ZFPM2: variants seen among roughly 807,000 people sequenced by gnomAD.
The protein encoded by ZFPM2 is zinc finger protein ZFPM2.
Under a neutral mutation model 98.6 loss-of-function variants are expected in ZFPM2, and 20 were observed. That is an observed-to-expected ratio of 0.20 (90% confidence interval 0.14 to 0.29). The LOEUF is 0.29. Among genes scored for constraint, ZFPM2 ranks in the 10% least tolerant of loss-of-function variants. The pLI is 1.00. For synonymous variants in ZFPM2, 518 were observed against 502.7 expected (o/e 1.03, Z -0.41); for missense variants, 1,310 against 1,388.6 (o/e 0.94, Z 0.90).
At chr8:105,490,622 A>G (rs778653540) in intron 3 of ZFPM2, among the ~76,000 whole-genome samples, 12 of 152,228 alleles carry the variant, frequency 7.9e-5, no homozygotes, top group Non-Finnish European at 1.6e-4. Context: ...CTGAAGATAG[A>G]AAATCCAACT....
At chr8:105,547,486 G>A (rs1277566547) in intron 3 of ZFPM2, among the ~76,000 whole-genome samples, 2 of 132,454 alleles carry the variant, frequency 1.5e-5, no homozygotes, top group Non-Finnish European at 3.1e-5. Flanking sequence ...AGGTTGCAGT[G>A]AGCCAAGATC....
chr8:105,692,525 G>T (rs1297164928), intron 5 of ZFPM2, among the ~76,000 whole-genome samples: 1 of 152,056 alleles, frequency 6.6e-6, no homozygotes, highest in African/African-American at 2.4e-5. Flanking sequence ...ATGTTCATAA[G>T]TATGTAATTC....
At chr8:105,637,748 G>A (rs1816875399) in intron 5 of ZFPM2, among the ~76,000 whole-genome samples, 1 of 152,034 alleles carries the variant, frequency 6.6e-6, no homozygotes. Context: ...AAACACACTG[G>A]ACTCAGGAGT....
At chr8:105,628,592 A>C (rs760287032) in intron 4 of ZFPM2, among the ~76,000 whole-genome samples, 4 of 152,154 alleles carry the variant, frequency 2.6e-5, no homozygotes, top group African/African-American at 4.8e-5. Flanking sequence ...GCTGGTAGAC[A>C]GGACTACGGC....
At chr8:105,376,349 A>G (rs1376853612) in intron 1 of ZFPM2, among the ~76,000 whole-genome samples, 1 of 152,040 alleles carries the variant, frequency 6.6e-6, no homozygotes, top group Non-Finnish European at 1.5e-5. Context: ...TCTCTCCTGG[A>G]CCTTCCTCTC....
chr8:105,463,402 ATG>A (rs1372087758), intron 3 of ZFPM2, among the ~76,000 whole-genome samples: 3 of 151,270 alleles, frequency 2.0e-5, no homozygotes, highest in Non-Finnish European at 3.0e-5. Flanking sequence ...GTGTGTGTGT[ATG>A]TGTGTGTGTA....
At chr8:105,458,572 A>G (rs1812643423) in intron 3 of ZFPM2, among the ~76,000 whole-genome samples, 1 of 152,214 alleles carries the variant, frequency 6.6e-6, no homozygotes, top group Non-Finnish European at 1.5e-5. Flanking sequence ...ACATGTTGCC[A>G]CTTACAGAAT....
intron 5 of ZFPM2, among the ~76,000 whole-genome samples, chr8:105,727,165 T>C (rs947936732): frequency 1.3e-5 from 2 of 151,530 alleles, no homozygotes; most frequent in Non-Finnish European, 3.0e-5. Flanking sequence ...ACTTTTTTTT[T>C]TTCTAAGAAC....
At chr8:105,338,093 T>A (rs996037442) in intron 1 of ZFPM2, among the ~76,000 whole-genome samples, 2 of 151,784 alleles carry the variant, frequency 1.3e-5, no homozygotes, top group Non-Finnish European at 2.9e-5. Context: ...AACTCATGAG[T>A]TATGCTTGTA....
At chr8:105,752,164 T>C (rs1450787882) in intron 5 of ZFPM2, among the ~76,000 whole-genome samples, 1 of 152,156 alleles carries the variant, frequency 6.6e-6, no homozygotes, top group Non-Finnish European at 1.5e-5. Flanking sequence ...ACTGCTCATG[T>C]GACAGTTTTT....
At chr8:105,773,390 AT>A (rs1813026874) in intron 5 of ZFPM2, among the ~76,000 whole-genome samples, 1 of 152,176 alleles carries the variant, frequency 6.6e-6, no homozygotes, top group Non-Finnish European at 1.5e-5. Context: ...ATATTTTAGA[AT>A]AGACCATTAT....
intron 3 of ZFPM2, among the ~76,000 whole-genome samples, chr8:105,470,696 T>A (rs1463715583): frequency 6.6e-6 from 1 of 152,004 alleles, no homozygotes; most frequent in Non-Finnish European, 1.5e-5. Context: ...GAGGATAATT[T>A]GAATGCAGGA....
intron 2 of ZFPM2, among the ~76,000 whole-genome samples, chr8:105,430,201 A>G (rs1811993448): frequency 1.3e-5 from 2 of 152,164 alleles, no homozygotes; most frequent in African/African-American, 4.8e-5. Flanking sequence ...ACTCCTCCCA[A>G]GGCCCTGCAC....
At chr8:105,520,610 T>C (rs1371518196) in intron 3 of ZFPM2, among the ~76,000 whole-genome samples, 1 of 152,040 alleles carries the variant, frequency 6.6e-6, no homozygotes, top group Non-Finnish European at 1.5e-5. Flanking sequence ...GTTGGGTAGA[T>C]AGGCACGTGC....
At position 105,450,348 on chromosome 8, in the gene ZFPM2, G is replaced by A. The variant is rs531071759; in HGVS notation, c.301+5967G>A. On this transcript the variant is annotated intron_variant, in intron 3 of 7. Transcript: ENST00000407775. Reference sequence around the variant, plus strand: ...GCTTGAAGATTACAGTTCTGATTTCGTTTCCTTTTTGATTGGGAAAATGTG... The same window carrying A: ...GCTTGAAGATTACAGTTCTGATTTCATTTCCTTTTTGATTGGGAAAATGTG... Among the ~76,000 whole-genome samples, 9 of 152,134 alleles carry A rather than the reference G, an allele frequency of 5.9e-5. No homozygotes were observed. The East Asian group carries it at 1.4e-3, about 23-fold the overall frequency.
chr8:105,564,404 C>G (rs1252085292), intron 4 of ZFPM2, among the ~76,000 whole-genome samples: 3 of 151,864 alleles, frequency 2.0e-5, no homozygotes, highest in Admixed American at 6.6e-5. Flanking sequence ...AATATATTTT[C>G]AAATGTTTTT....
chr8:105,572,729 C>T (rs1272309402), intron 4 of ZFPM2, among the ~76,000 whole-genome samples: 2 of 152,176 alleles, frequency 1.3e-5, no homozygotes, highest in Non-Finnish European at 2.9e-5. Context: ...CTTGGCCTCC[C>T]AAAATGCTGG....
intron 4 of ZFPM2, among the ~76,000 whole-genome samples, chr8:105,618,084 A>G (rs1816458292): frequency 6.6e-6 from 1 of 152,152 alleles, no homozygotes; most frequent in Admixed American, 6.6e-5. Context: ...AAGATTATTA[A>G]TGAGGCACCA....
chr8:105,780,824 A>T (rs1468776948), intron 5 of ZFPM2, among the ~76,000 whole-genome samples: 1 of 152,172 alleles, frequency 6.6e-6, no homozygotes, highest in Non-Finnish European at 1.5e-5. Flanking sequence ...AGGTTGCAGT[A>T]AGCCGAGATC....
Sources: gnomAD v4.1 joint callset for allele counts (sites outside exome capture counted in the v4.1 genomes callset) on GRCh38, gnomAD v4.1.1 for gene constraint, MANE v1.5 for transcripts, NCBI Gene and HGNC (gene_info 2026-07-23, HGNC 2026-07-21) for gene names.